CALCR: variants seen among roughly 807,000 people sequenced by gnomAD.
CALCR encodes calcitonin receptor.
A neutral mutation model predicts 59.5 loss-of-function variants in CALCR; 47 were observed. That is an observed-to-expected ratio of 0.79 (90% CI 0.63 to 1.01). CALCR has a LOEUF of 1.01. Among genes scored for constraint, CALCR ranks in the 50% least tolerant of loss-of-function variants. The pLI is 0.00. For missense variants in CALCR, 566 were observed against 597.1 expected (o/e 0.95, Z 0.54); for synonymous variants, 213 against 211.3 (o/e 1.01, Z -0.07).
intron 2 of CALCR, among the ~76,000 whole-genome samples, chr7:93,499,676 A>G (rs987139237): frequency 2.0e-5 from 3 of 151,798 alleles, no homozygotes; most frequent in African/African-American, 7.2e-5. Flanking sequence ...AAACTCTGGT[A>G]AATATATGAT....
chr7:93,478,676 T>G (rs1292996276), intron 4 of CALCR, among the ~76,000 whole-genome samples: 2 of 151,148 alleles, frequency 1.3e-5, no homozygotes, highest in Non-Finnish European at 3.0e-5. Flanking sequence ...AAGATCTTAT[T>G]GAATCTTTTC....
intron 2 of CALCR, among the ~76,000 whole-genome samples, chr7:93,509,654 AAGTTTCC>A (rs1801502024): frequency 6.6e-6 from 1 of 152,182 alleles, no homozygotes; most frequent in South Asian, 2.1e-4. Flanking sequence ...CCAAATATAG[AAGTTTCC>A]AGTTTATTTA....
chr7:93,457,849 C>T (rs1207301097), intron 8 of CALCR, among the ~76,000 whole-genome samples: 1 of 151,972 alleles, frequency 6.6e-6, no homozygotes. Context: ...CTTTCTAGGA[C>T]AATAAATAAA....
chr7:93,525,242 G>A (rs1801852494), intron 2 of CALCR, among the ~76,000 whole-genome samples: 1 of 151,930 alleles, frequency 6.6e-6, no homozygotes. Flanking sequence ...CTTGACAAAT[G>A]CAAAAAAATG....
chr7:93,553,892 C>T (rs1563018622), intron 2 of CALCR, among the ~76,000 whole-genome samples: 1 of 152,116 alleles, frequency 6.6e-6, no homozygotes, highest in Non-Finnish European at 1.5e-5. Context: ...CACTGTATTG[C>T]CATGATAGAT....
At chr7:93,480,743 T>C (rs2299253) in intron 3 of CALCR, among the ~76,000 whole-genome samples, 80,251 of 151,602 alleles carry the variant, frequency 0.53, 21,551 homozygotes, top group East Asian at 0.69. Flanking sequence ...GGAGCAAAAA[T>C]ATTCAGGATG....
intron 6 of CALCR, among the ~76,000 whole-genome samples, chr7:93,471,643 C>T (rs982865009): frequency 2.1e-4 from 32 of 151,574 alleles, no homozygotes; most frequent in African/African-American, 7.3e-4. Flanking sequence ...TTAGAGACGC[C>T]CTGCACAGCT....
At chr7:93,504,863 C>T (rs373973271) in intron 2 of CALCR, among the ~76,000 whole-genome samples, 1 of 152,006 alleles carries the variant, frequency 6.6e-6, no homozygotes, top group African/African-American at 2.4e-5. Flanking sequence ...CTATCTAAAG[C>T]AGACGCACCC....
intron 2 of CALCR, among the ~76,000 whole-genome samples, chr7:93,573,960 G>T (rs559957607): frequency 6.6e-6 from 1 of 152,096 alleles, no homozygotes; most frequent in East Asian, 1.9e-4. Flanking sequence ...TTTAACCTCC[G>T]TAATTTTCCT....
intron 2 of CALCR, among the ~76,000 whole-genome samples, chr7:93,555,733 G>A (rs1165288600): frequency 6.6e-6 from 1 of 152,074 alleles, no homozygotes; most frequent in East Asian, 1.9e-4. Flanking sequence ...TATTAAAACG[G>A]GTAGAAGCAT....
chr7:93,572,056 C>G (rs1157313675), intron 2 of CALCR, among the ~76,000 whole-genome samples: 3 of 152,046 alleles, frequency 2.0e-5, no homozygotes, highest in Non-Finnish European at 4.4e-5. Context: ...AAAACATTTT[C>G]TGGATGGGCA....
intron 11 of CALCR, 90 bp downstream of exon 11, chr7:93,437,970 T>C: frequency 1.8e-6 from 2 of 1,128,852 alleles, no homozygotes; most frequent in South Asian, 1.4e-5. Flanking sequence ...ATTTTGAAGT[T>C]ATAAAACATA....
chr7:93,502,166 A>C (rs1198717345), intron 2 of CALCR, among the ~76,000 whole-genome samples: 1 of 152,082 alleles, frequency 6.6e-6, no homozygotes, highest in Non-Finnish European at 1.5e-5. Flanking sequence ...GGAAGGAAGG[A>C]ACTAAAATGA....
At chr7:93,445,290 T>A (rs1185862761) in intron 8 of CALCR, among the ~76,000 whole-genome samples, 1 of 152,116 alleles carries the variant, frequency 6.6e-6, no homozygotes, top group Non-Finnish European at 1.5e-5. Context: ...TATATTTACA[T>A]AACACCCAAG....
At chr7:93,541,365 C>A (rs555074880) in intron 2 of CALCR, among the ~76,000 whole-genome samples, 14 of 152,004 alleles carry the variant, frequency 9.2e-5, no homozygotes, top group African/African-American at 3.4e-4. Flanking sequence ...ATTAGAGATG[C>A]GGTTTCACTA....
intron 4 of CALCR, among the ~76,000 whole-genome samples, chr7:93,478,479 A>G (rs1800718992): frequency 6.6e-6 from 1 of 151,698 alleles, no homozygotes; most frequent in Admixed American, 6.6e-5. Flanking sequence ...TCCTGAGCCC[A>G]GGAGTTGGAG....
chr7:93,463,560 G>A (rs896496086), intron 7 of CALCR, among the ~76,000 whole-genome samples: 1 of 151,906 alleles, frequency 6.6e-6, no homozygotes, highest in African/African-American at 2.4e-5. Flanking sequence ...ATATGATTGT[G>A]CACTCATTAT....
intron 9 of CALCR, among the ~76,000 whole-genome samples, chr7:93,439,870 C>T (rs2299246): frequency 0.043 from 6,589 of 152,182 alleles, 278 homozygotes; most frequent in Admixed American, 0.13. Context: ...GAGAACTAAA[C>T]TTCAGTATTT....
At chr7:93,432,398 C>T (rs1474676968) in intron 13 of CALCR, among the ~76,000 whole-genome samples, 1 of 152,144 alleles carries the variant, frequency 6.6e-6, no homozygotes, top group Admixed American at 6.5e-5. Flanking sequence ...TAAGGTGATG[C>T]ATTCGCAGAA....
Sources: allele counts gnomAD v4.1 joint callset (sites outside exome capture counted in the v4.1 genomes callset), GRCh38; gene constraint gnomAD v4.1.1; transcripts MANE v1.5; gene names NCBI Gene and HGNC (gene_info 2026-07-23, HGNC 2026-07-21).